C1orf146: variants seen among roughly 807,000 people sequenced by gnomAD.
C1orf146 encodes chromosome 1 open reading frame 146, also known as protein SPO16 homolog.
In C1orf146, 22 loss-of-function variants were observed where a neutral mutation model predicts 23.0. The observed-to-expected ratio is 0.96, with a 90% confidence interval of 0.68 to 1.36. The LOEUF (loss-of-function observed/expected upper bound fraction) is 1.36. Among genes scored for constraint, C1orf146 ranks in the 40% most tolerant of loss-of-function variants. The pLI, the probability that C1orf146 is intolerant of heterozygous loss-of-function variation, is 0.00. For synonymous variants in C1orf146, 59 were observed against 65.3 expected (o/e 0.90, Z 0.47); for missense variants, 199 against 206.8 (o/e 0.96, Z 0.23).
intron 4 of C1orf146, 41 bp downstream of exon 4, chr1:92,244,426 G>A: frequency 2.8e-6 from 4 of 1,445,614 alleles, no homozygotes; most frequent in Non-Finnish European, 3.8e-6. Flanking sequence ...TTCTTATATT[G>A]TATTTATTTC....
chr1:92,241,815 A>G (rs1408374864), intron 2 of C1orf146, among the ~76,000 whole-genome samples: 1 of 152,182 alleles, frequency 6.6e-6, no homozygotes, highest in African/African-American at 2.4e-5. Context: ...ACGTACACCT[A>G]TAGTCCCAGC....
chr1:92,231,623 G>A (rs1023441964), intron 2 of C1orf146, 137 bp downstream of exon 2: 42 of 484,560 alleles, frequency 8.7e-5, no homozygotes, highest in African/African-American at 8.1e-4. Context: ...TAAGCTAAAT[G>A]TATTTTAAAG....
intron 1 of C1orf146, among the ~76,000 whole-genome samples, chr1:92,220,404 T>C (rs1651791983): frequency 6.6e-6 from 1 of 152,158 alleles, no homozygotes; most frequent in Admixed American, 6.5e-5. Flanking sequence ...ATTAGGTGAT[T>C]TTGTCATTGT....
intron 1 of C1orf146, among the ~76,000 whole-genome samples, chr1:92,220,334 G>C (rs1651789811): frequency 1.3e-5 from 2 of 152,110 alleles, no homozygotes; most frequent in African/African-American, 2.4e-5. Flanking sequence ...ACTAATCTGG[G>C]TATATACACA....
intron 1 of C1orf146, among the ~76,000 whole-genome samples, chr1:92,218,766 C>T (rs1651747042): frequency 6.6e-6 from 1 of 152,068 alleles, no homozygotes; most frequent in Non-Finnish European, 1.5e-5. Flanking sequence ...GTTCACCTCC[C>T]GTTTAGAAGC....
intron 2 of C1orf146, among the ~76,000 whole-genome samples, chr1:92,239,226 T>G (rs765702564): frequency 2.0e-5 from 3 of 152,252 alleles, no homozygotes; most frequent in Non-Finnish European, 4.4e-5. Flanking sequence ...GGATCCCTTG[T>G]GGGCCTGTTT....
chr1:92,238,912 A>C (rs971799574), intron 2 of C1orf146, among the ~76,000 whole-genome samples: 1 of 151,944 alleles, frequency 6.6e-6, no homozygotes, highest in African/African-American at 2.4e-5. Context: ...GATTTGACTC[A>C]GATTTTTTGT....
chr1:92,240,918 T>C (rs1652418003), intron 2 of C1orf146: 2 of 463,556 alleles, frequency 4.3e-6, no homozygotes, highest in Non-Finnish European at 9.0e-6. Context: ...GAATAGGAAA[T>C]CAGGTGATAT....
chr1:92,227,004 C>T (rs1481198840), intron 1 of C1orf146, among the ~76,000 whole-genome samples: 3 of 152,168 alleles, frequency 2.0e-5, no homozygotes, highest in Non-Finnish European at 4.4e-5. Flanking sequence ...TAAGTGAGTA[C>T]TTCTACCACT....
chr1:92,236,148 A>C (rs1652270189), intron 2 of C1orf146, among the ~76,000 whole-genome samples: 2 of 151,472 alleles, frequency 1.3e-5, no homozygotes, highest in South Asian at 4.2e-4. Flanking sequence ...TGATCCTGTC[A>C]TTATGATGTT....
At chr1:92,227,174 T>C (rs1182276010) in intron 1 of C1orf146, among the ~76,000 whole-genome samples, 1 of 152,228 alleles carries the variant, frequency 6.6e-6, no homozygotes, top group Non-Finnish European at 1.5e-5. Context: ...TTTACAGTTC[T>C]CCTTTCCATT....
At chr1:92,232,451 G>A (rs374210996) in intron 2 of C1orf146, among the ~76,000 whole-genome samples, 2 of 151,888 alleles carry the variant, frequency 1.3e-5, no homozygotes, top group South Asian at 2.1e-4. Flanking sequence ...ATCATTTTTT[G>A]TGGCTGCATA....
chr1:92,226,399 GCACACACACACACACATACA>G, intron 1 of C1orf146, among the ~76,000 whole-genome samples: 1 of 146,326 alleles, frequency 6.8e-6, no homozygotes, highest in Non-Finnish European at 1.5e-5. Flanking sequence ...ATGCACGCAT[GCACACACACACACACATACA>G]CACACACACA....
intron 1 of C1orf146, among the ~76,000 whole-genome samples, chr1:92,222,877 C>T (rs981677258): frequency 2.0e-5 from 3 of 151,986 alleles, no homozygotes; most frequent in Non-Finnish European, 4.4e-5. Context: ...TGAGCCACGG[C>T]GCCTGGCCTA....
intron 1 of C1orf146, among the ~76,000 whole-genome samples, chr1:92,227,710 C>T (rs1438921873): frequency 6.6e-6 from 1 of 151,958 alleles, no homozygotes; most frequent in Admixed American, 6.6e-5. Context: ...CAATTATTTC[C>T]TTTCACCACT....
At chr1:92,230,261 A>G (rs1652082172) in intron 1 of C1orf146, among the ~76,000 whole-genome samples, 1 of 151,566 alleles carries the variant, frequency 6.6e-6, no homozygotes, top group Non-Finnish European at 1.5e-5. Context: ...GCCAGAGTTC[A>G]AGACTGGTTT....
At chr1:92,243,026 T>C (rs1210615848) in intron 3 of C1orf146, among the ~76,000 whole-genome samples, 2 of 152,194 alleles carry the variant, frequency 1.3e-5, no homozygotes, top group Non-Finnish European at 2.9e-5. Flanking sequence ...TCTGGTTAAA[T>C]ACAGAACCCT....
Position 92,245,626 on chromosome 1 carries a change from A to G in C1orf146, c.495A>G (p.Lys165=). Residue 165 remains lysine, a synonymous_variant, in exon 6 of 6, where the codon AAA becomes AAG. Transcript: ENST00000370375. The part of the protein sequence containing the change: ...AYIIEQSPVW[K]TLQKIKLNSD... Reference sequence around the variant, plus strand: ...TCATTGAGCAAAGTCCTGTTTGGAAAACACTTCAGAAGATAAAACTGAATA... The same window carrying G: ...TCATTGAGCAAAGTCCTGTTTGGAAGACACTTCAGAAGATAAAACTGAATA... 2 of 1,600,220 alleles carry G rather than the reference A, an allele frequency of 1.2e-6. No homozygotes were observed. Among genetic ancestry groups the G allele is most frequent in the East Asian group, 2.3e-5 (1 of 44,100 alleles).
At chr1:92,237,689 G>T (rs1032423415) in intron 2 of C1orf146, among the ~76,000 whole-genome samples, 3 of 152,176 alleles carry the variant, frequency 2.0e-5, no homozygotes, top group Admixed American at 2.0e-4. Context: ...GGGAGCTGTA[G>T]ACAGGAGCTG....
Sources: gnomAD v4.1 joint callset for allele counts (sites outside exome capture counted in the v4.1 genomes callset) on GRCh38, gnomAD v4.1.1 for gene constraint, MANE v1.5 for transcripts, NCBI Gene and HGNC (gene_info 2026-07-23, HGNC 2026-07-21) for gene names.